Variants in A2ML1 observed in about 807,000 individuals in gnomAD.
A2ML1 encodes alpha-2-macroglobulin like 1.
A2ML1 carries 161 observed loss-of-function variants against 181.9 expected under a neutral mutation model. That is an observed-to-expected ratio of 0.89 (90% CI 0.78 to 1.01). A2ML1 has a LOEUF of 1.01. A2ML1 is among the 50% of genes least tolerant of loss of function. The pLI, the probability that A2ML1 is intolerant of heterozygous loss-of-function variation, is 0.00. For synonymous variants in A2ML1, 663 were observed against 666.8 expected (o/e 0.99, Z 0.09); for missense variants, 1,670 against 1,768.1 (o/e 0.94, Z 1.00).
In A2ML1 at chr12:8,846,103, CT is replaced by C; in HGVS notation, c.1565del (p.Leu522ArgfsTer14). 1 of 1,614,198 alleles carries C rather than the reference CT, an allele frequency of 6.2e-7. No homozygotes were observed. Among genetic ancestry groups the C allele is most frequent in the South Asian group, 1.1e-5 (1 of 91,084 alleles). On this transcript the variant is annotated frameshift_variant, in exon 14 of 36. Transcript: ENST00000299698. LOFTEE classifies it high-confidence loss of function. ...ACTGAAAGCCTCCTTCTCTCTCTCA[CT>C]GACCTTCACTTCGAGACTGGCCCCT... ...KGLKASFSLS[L>X]TFTSRLAPDP... is the part of the protein sequence containing the mutation.
At chr12:8,832,997 G>A (rs1292588726) in intron 4 of A2ML1, among the ~76,000 whole-genome samples, 25 of 23,448 alleles carry the variant, frequency 1.1e-3, no homozygotes, top group Non-Finnish European at 1.8e-3. Context: ...TTTTTGAGAC[G>A]GAGTTTCGCT....
intron 26 of A2ML1, among the ~76,000 whole-genome samples, chr12:8,859,795 G>A (rs1028763665): frequency 6.6e-6 from 1 of 151,854 alleles, no homozygotes; most frequent in Non-Finnish European, 1.5e-5. Flanking sequence ...TGAACTCCTG[G>A]CCTCAAGTGA....
At position 8,863,974 on chromosome 12, in the gene A2ML1, A is replaced by G. The variant is rs758335426; in HGVS notation, c.3683A>G (p.Gln1228Arg). Reference protein sequence around the residue: ...ATSIVAWLAKQHNAYGGFSST... With the variant: ...ATSIVAWLAKRHNAYGGFSST... ...AGCATAGTGGCTTGGTTGGCCAAGC[A>G]ACACAATGCATATGGGGGCTTCTCT... is the stretch of plus-strand genomic sequence containing the variant. The change falls in exon 29 of 36, where the codon CAA becomes CGA. Residue 1228 changes from glutamine (Q) to arginine (R), a missense_variant. Coordinates refer to ENST00000299698, the MANE Select transcript of A2ML1 (RefSeq NM_144670.6). The G allele has an allele frequency of 1.2e-6, 2 of 1,613,100 alleles. No individual in the cohort carries two copies. The highest frequency in any genetic ancestry group is 1.7e-5 in the Admixed American group (1 of 60,022).
Position 8,851,959 on chromosome 12 carries a change from G to A in A2ML1, c.2410G>A (p.Glu804Lys). The A allele has an allele frequency of 6.2e-7, 1 of 1,614,144 alleles. No individual in the cohort carries two copies. Among genetic ancestry groups the A allele is most frequent in the Non-Finnish European group, 8.5e-7 (1 of 1,180,018 alleles). Residue 804 changes from glutamate (E) to lysine (K), a missense_variant, in exon 19 of 36, where the codon GAA becomes AAA. By Grantham distance (56) the Glu-to-Lys change is moderately conservative. Coordinates refer to ENST00000299698, the MANE Select transcript of A2ML1 (RefSeq NM_144670.6). ...TCTCCCTTACTCAGTAGTCCGTGGG[G>A]AATCCTTTCGTCTTACTGCCACCAT... ...LTLPYSVVRGESFRLTATIFN... is the reference protein window; with the variant it reads ...LTLPYSVVRGKSFRLTATIFN...
intron 5 of A2ML1, 121 bp from the exon 6 acceptor site, chr12:8,835,386 C>T: frequency 8.2e-7 from 1 of 1,223,312 alleles, no homozygotes; most frequent in Non-Finnish European, 1.2e-6. Flanking sequence ...GGACACAGAC[C>T]ACAGGGGTCA....
Position 8,855,519 on chromosome 12 carries a change from A to T in A2ML1, c.2775A>T (p.Ala925=), listed in dbSNP as rs751745144. The change falls in exon 23 of 36, where the codon GCA becomes GCT. Residue 925 remains alanine (A), a synonymous_variant. Coordinates refer to ENST00000299698, the MANE Select transcript of A2ML1 (RefSeq NM_144670.6). ...SSLLCPKGKV[A]SESVSLELPV... ...TTCTGCATCTCACAGGAAAGGTGGC[A>T]TCTGAATCTGTCTCCCTGGAGCTCC... 3.1e-6 allele frequency: 5 copies of T among 1,614,142 alleles called. No homozygotes were observed. Among genetic ancestry groups the T allele is most frequent in the Non-Finnish European group, 1.7e-6 (2 of 1,180,020 alleles).
In A2ML1 at chr12:8,858,020, A is replaced by G. The variant is rs779326958; in HGVS notation, c.3182A>G (p.Asp1061Gly). Residue 1061 changes from aspartate to glycine, a missense_variant, in exon 26 of 36, where the codon GAT becomes GGT. Coordinates refer to ENST00000299698, the MANE Select transcript of A2ML1 (RefSeq NM_144670.6). ...TTCATTGATCCCAAGAACATCCAGG[A>G]TGCTCTCAAGTGGATGGCAGGAAAC... is the stretch of plus-strand genomic sequence containing the variant. Reference protein sequence around the residue: ...FIFIDPKNIQDALKWMAGNQL... With the variant: ...FIFIDPKNIQGALKWMAGNQL... The G allele has an allele frequency of 1.4e-5, 22 of 1,614,184 alleles. No homozygotes were observed. Among genetic ancestry groups the G allele is most frequent in the Non-Finnish European group, 1.9e-5 (22 of 1,180,040 alleles).
chr12:8,849,910 G>C (rs891511186), intron 17 of A2ML1, 151 bp downstream of exon 17: 4 of 762,498 alleles, frequency 5.2e-6, no homozygotes, highest in South Asian at 3.7e-5. Context: ...TTTCCCAAGT[G>C]TTCTCTCTCT....
At chr12:8,840,469 A>G (rs1202367671) in intron 10 of A2ML1, among the ~76,000 whole-genome samples, 1 of 152,090 alleles carries the variant, frequency 6.6e-6, no homozygotes, top group Non-Finnish European at 1.5e-5. Context: ...TACTTCTTGT[A>G]CAGCTGGTCC....
chr12:8,885,079 A>G (rs941730806), intron 7 of A2ML1, among the ~76,000 whole-genome samples: 2 of 152,076 alleles, frequency 1.3e-5, no homozygotes, highest in Admixed American at 1.3e-4. Flanking sequence ...TTATATGTCT[A>G]GATCAGAGGA....
At position 8,854,823 on chromosome 12, in the gene A2ML1, G is replaced by C; in HGVS notation, c.2756G>C (p.Cys919Ser). Residue 919 changes from cysteine (C) to serine (S), a missense_variant, in exon 22 of 36, where the codon TGC (cysteine) becomes TCC (serine). Physicochemically the swap from Cys to Ser is moderately radical, Grantham distance 112. Transcript: ENST00000299698. ...GAGAAGACACACAGCTCATTGCTGT[G>C]CCCAAAAGGTGGGTGGACTCAGAGC... ...LVEKTHSSLL[C>S]PKGKVASESV... 6.2e-7 allele frequency: 1 copy of C among 1,613,876 alleles called. No individual in the cohort carries two copies. The highest frequency in any genetic ancestry group is 8.5e-7 in the Non-Finnish European group (1 of 1,179,988).
intron 28 of A2ML1, 84 bp from the exon 29 acceptor site, chr12:8,863,710 G>A (rs1463236964): frequency 2.2e-6 from 3 of 1,367,596 alleles, no homozygotes; most frequent in African/African-American, 1.4e-5. Flanking sequence ...TACTTACTCT[G>A]CTCTAAGATG....
intron 28 of A2ML1, among the ~76,000 whole-genome samples, chr12:8,861,677 C>T (rs373235247): frequency 6.6e-6 from 1 of 151,228 alleles, no homozygotes; most frequent in South Asian, 2.1e-4. Context: ...TTAGTAGAGA[C>T]GGGGTTTCAC....
At position 8,848,838 on chromosome 12, in the gene A2ML1, A is replaced by G. The variant is rs768198609; in HGVS notation, c.1952A>G (p.Gln651Arg). Residue 651 changes from glutamine to arginine, a missense_variant, in exon 16 of 36, where the codon CAA (glutamine) becomes CGA (arginine). Gln to Arg is a conservative substitution (Grantham distance 43, BLOSUM62 1). Transcript: ENST00000299698. ...CAGCCCCTCATTGACCCAATGCCCC[A>G]AGGGCATTCGAGCCAGCGTTCCATT... Reference protein sequence around the residue: ...FPQPLIDPMPQGHSSQRSIIW... With the variant: ...FPQPLIDPMPRGHSSQRSIIW... 1 of 1,614,098 alleles carries G rather than the reference A, an allele frequency of 6.2e-7. No individual in the cohort carries two copies. Among genetic ancestry groups the G allele is most frequent in the Admixed American group, 1.7e-5 (1 of 60,012 alleles).
At chr12:8,844,075 G>A (rs994415784) in intron 12 of A2ML1, among the ~76,000 whole-genome samples, 3 of 151,846 alleles carry the variant, frequency 2.0e-5, no homozygotes, top group African/African-American at 7.3e-5. Flanking sequence ...CAGTATAGGT[G>A]TAAGAGATGG....
chr12:8,826,034 C>A (rs1427385734), intron 3 of A2ML1, among the ~76,000 whole-genome samples: 1 of 152,126 alleles, frequency 6.6e-6, no homozygotes, highest in Non-Finnish European at 1.5e-5. Flanking sequence ...ATTCTTCCAG[C>A]TTTGTTCTTT....
At chr12:8,836,577 G>A (rs1439268950) in intron 7 of A2ML1, among the ~76,000 whole-genome samples, 1 of 150,152 alleles carries the variant, frequency 6.7e-6, no homozygotes, top group African/African-American at 2.5e-5. Flanking sequence ...TCCGCCTCAT[G>A]GGTTCAAGCG....
intron 4 of A2ML1, among the ~76,000 whole-genome samples, chr12:8,834,196 T>C (rs1943201412): frequency 6.6e-6 from 1 of 152,180 alleles, no homozygotes; most frequent in South Asian, 2.1e-4. Flanking sequence ...TTTCAAACAA[T>C]TTTAAAAATA....
At chr12:8,877,297 G>A (rs1053899532), downstream of A2ML1, among the ~76,000 whole-genome samples, 1 of 152,138 alleles carries the variant, frequency 6.6e-6, no homozygotes, top group Non-Finnish European at 1.5e-5. Flanking sequence ...TGAAAAGTCA[G>A]GGAAAATAAG....
Sources: gnomAD v4.1 joint callset for allele counts (sites outside exome capture counted in the v4.1 genomes callset) on GRCh38, gnomAD v4.1.1 for gene constraint, MANE v1.5 for transcripts, NCBI Gene and HGNC (gene_info 2026-07-23, HGNC 2026-07-21) for gene names.